Variants in COL24A1 observed in about 807,000 individuals in gnomAD.
The protein encoded by COL24A1 is collagen type XXIV alpha 1 chain, also known as collagen alpha-1(XXIV) chain.
COL24A1 carries 224 observed loss-of-function variants against 253.9 expected under a neutral mutation model. The ratio of observed to expected loss-of-function variants is 0.88; its 90% CI spans 0.79 to 0.99. COL24A1 has a LOEUF of 0.99. Among genes scored for constraint, COL24A1 ranks in the 50% least tolerant of loss-of-function variants. The probability of loss-of-function intolerance (pLI) is 0.00; values close to 1 mark genes in which losing one functional copy is unlikely to be tolerated. For synonymous variants in COL24A1, 685 were observed against 673.7 expected, an observed-to-expected ratio of 1.02 and a Z score of -0.26; for missense variants, 2,131 against 2,068.5, an observed-to-expected ratio of 1.03 and a Z score of -0.59.
At chr1:86,133,408 G>A (rs1380195450) in intron 2 of COL24A1, among the ~76,000 whole-genome samples, 1 of 152,324 alleles carries the variant, frequency 6.6e-6, no homozygotes, top group East Asian at 1.9e-4. Flanking sequence ...AGTGGTGAGA[G>A]AGGGCATCCC....
intron 22 of COL24A1, among the ~76,000 whole-genome samples, chr1:85,968,455 T>C (rs950359083): frequency 2.0e-5 from 3 of 152,190 alleles, no homozygotes; most frequent in Non-Finnish European, 2.9e-5. Context: ...ATTTAAGACT[T>C]CTAGTCAAAA....
chr1:85,767,131 A>G (rs1033804594), intron 53 of COL24A1, among the ~76,000 whole-genome samples: 1 of 151,486 alleles, frequency 6.6e-6, no homozygotes, highest in African/African-American at 2.4e-5. Flanking sequence ...TAATAATAAT[A>G]ATAAGATTGA....
At chr1:85,917,730 G>A (rs551177520) in intron 24 of COL24A1, among the ~76,000 whole-genome samples, 66 of 151,438 alleles carry the variant, frequency 4.4e-4, no homozygotes, top group Non-Finnish European at 8.0e-4. Context: ...TTGCTCTGTC[G>A]CCCAGGCTGG....
At chr1:85,940,548 A>G (rs764239855) in intron 24 of COL24A1, among the ~76,000 whole-genome samples, 3 of 152,070 alleles carry the variant, frequency 2.0e-5, no homozygotes, top group African/African-American at 7.2e-5. Flanking sequence ...TATCGATTAC[A>G]TTTAGAATAT....
At chr1:86,009,343 G>A (rs1696286507) in intron 19 of COL24A1, among the ~76,000 whole-genome samples, 1 of 152,142 alleles carries the variant, frequency 6.6e-6, no homozygotes, top group South Asian at 2.1e-4. Context: ...GTCACTTAAT[G>A]ATGGGTATTT....
chr1:85,813,532 C>CCT (rs1672760245), intron 47 of COL24A1, among the ~76,000 whole-genome samples: 1 of 76,248 alleles, frequency 1.3e-5, no homozygotes, highest in Admixed American at 1.6e-4. Context: ...TCATTCAGGT[C>CCT]TTTTTTTTTT....
At chr1:85,922,248 G>T (rs1423969444) in intron 24 of COL24A1, among the ~76,000 whole-genome samples, 1 of 152,030 alleles carries the variant, frequency 6.6e-6, no homozygotes, top group Non-Finnish European at 1.5e-5. Flanking sequence ...CACTCTTCAG[G>T]GTATTATCCA....
At chr1:86,002,944 G>A (rs1695575987) in intron 19 of COL24A1, among the ~76,000 whole-genome samples, 1 of 152,146 alleles carries the variant, frequency 6.6e-6, no homozygotes, top group African/African-American at 2.4e-5. Context: ...TAGGCTGCTA[G>A]CTTTGAGCAG....
intron 47 of COL24A1, among the ~76,000 whole-genome samples, chr1:85,812,503 G>T (rs186373666): frequency 1.4e-4 from 21 of 152,270 alleles, no homozygotes; most frequent in African/African-American, 4.3e-4. Flanking sequence ...CATATAGTTA[G>T]AAGGAGAGAT....
chr1:85,815,299 C>T (rs145326172), intron 47 of COL24A1, among the ~76,000 whole-genome samples: 4 of 152,212 alleles, frequency 2.6e-5, no homozygotes, highest in South Asian at 2.1e-4. Flanking sequence ...ATGGTGAGTC[C>T]GGAGATTAGC....
intron 7 of COL24A1, among the ~76,000 whole-genome samples, chr1:86,084,396 TCCA>T (rs1014613749): frequency 6.6e-6 from 1 of 152,234 alleles, no homozygotes; most frequent in Non-Finnish European, 1.5e-5. Context: ...CTCTATTCTG[TCCA>T]CCTTCTCACT....
chr1:85,813,695 C>T (rs868655528), intron 47 of COL24A1, among the ~76,000 whole-genome samples: 1 of 149,198 alleles, frequency 6.7e-6, no homozygotes, highest in African/African-American at 2.5e-5. Flanking sequence ...GGACGACAGG[C>T]GCCCGCCACT....
intron 2 of COL24A1, among the ~76,000 whole-genome samples, chr1:86,131,437 T>C (rs1457572921): frequency 6.6e-6 from 1 of 152,058 alleles, no homozygotes; most frequent in Non-Finnish European, 1.5e-5. Context: ...TATGTACACA[T>C]GTGCCATGTT....
intron 24 of COL24A1, among the ~76,000 whole-genome samples, chr1:85,937,016 C>T (rs1342802344): frequency 6.8e-6 from 1 of 147,310 alleles, no homozygotes; most frequent in Non-Finnish European, 1.5e-5. Context: ...ATGAGCAACA[C>T]AGAGGCACAA....
chr1:85,902,980 C>T (rs1436464496), intron 28 of COL24A1, among the ~76,000 whole-genome samples: 1 of 152,060 alleles, frequency 6.6e-6, no homozygotes, highest in Non-Finnish European at 1.5e-5. Context: ...CCCTGACTTG[C>T]TTACTATTCA....
At chr1:86,013,233 G>A (rs1031868531) in intron 19 of COL24A1, among the ~76,000 whole-genome samples, 1 of 152,078 alleles carries the variant, frequency 6.6e-6, no homozygotes, top group Non-Finnish European at 1.5e-5. Flanking sequence ...ATTAACAAAA[G>A]CTATCATAGA....
chr1:86,150,821 T>G (rs1385899166), intron 1 of COL24A1, among the ~76,000 whole-genome samples: 1 of 152,186 alleles, frequency 6.6e-6, no homozygotes, highest in African/African-American at 2.4e-5. Flanking sequence ...GTTTCCACAT[T>G]AGCAGTAGAT....
At chr1:85,781,168 T>C (rs1669103571) in intron 52 of COL24A1, 52 bp downstream of exon 52, 10 of 1,300,712 alleles carry the variant, frequency 7.7e-6, no homozygotes, top group Non-Finnish European at 1.1e-5. Context: ...ATTCTAGAAA[T>C]AGAATTAAAG....
chr1:85,808,120 C>T (rs1672164668), intron 47 of COL24A1, among the ~76,000 whole-genome samples: 1 of 152,196 alleles, frequency 6.6e-6, no homozygotes, highest in African/African-American at 2.4e-5. Context: ...CCCTTCCTGT[C>T]CCCTCCTCAC....
Sources: gnomAD v4.1 joint callset for allele counts (sites outside exome capture counted in the v4.1 genomes callset) on GRCh38, gnomAD v4.1.1 for gene constraint, MANE v1.5 for transcripts, NCBI Gene and HGNC (gene_info 2026-07-23, HGNC 2026-07-21) for gene names.